Variants in GYS2 observed in about 807,000 individuals in gnomAD.
The protein encoded by GYS2 is glycogen synthase 2.
Under a neutral mutation model 85.6 loss-of-function variants are expected in GYS2, and 80 were observed. That is an observed-to-expected ratio of 0.93 (90% CI 0.78 to 1.13). GYS2 has a LOEUF of 1.13. Among genes scored for constraint, GYS2 ranks in the 50% most tolerant of loss-of-function variants. The pLI, the probability that GYS2 is intolerant of heterozygous loss-of-function variation, is 0.00. For synonymous variants in GYS2, 328 were observed against 300.7 expected (o/e 1.09, Z -0.94); for missense variants, 881 against 854.9 (o/e 1.03, Z -0.38).
rs964004135 is a variant in GYS2 at position 21,568,769 on chromosome 12, T to C, written c.823+96A>G. ...GAGCTGCGTGGTAACTGAATGCAAT[T>C]TTTCCTCAAACTACTACTTCACGAT... On this transcript the variant is annotated intron_variant, in intron 5 of 15. Coordinates refer to ENST00000261195, the MANE Select transcript of GYS2 (RefSeq NM_021957.4). 3 of 1,078,592 alleles carry C rather than the reference T, an allele frequency of 2.8e-6. No homozygotes were observed. In the Middle Eastern group the frequency reaches 6.0e-4, roughly 216 times the overall value. The allele number at this position is 1,078,592 out of a possible 1,614,324, so 66.8% of individuals were successfully genotyped here.
At chr12:21,565,183 G>T (rs906862448) in intron 5 of GYS2, among the ~76,000 whole-genome samples, 5 of 151,626 alleles carry the variant, frequency 3.3e-5, no homozygotes, top group Admixed American at 2.6e-4. Flanking sequence ...CACATGCACA[G>T]GCCTATGTGC....
intron 1 of GYS2, among the ~76,000 whole-genome samples, chr12:21,595,111 C>T (rs2136931652): frequency 6.6e-6 from 1 of 152,298 alleles, no homozygotes; most frequent in East Asian, 1.9e-4. Context: ...CCCTCCAAAT[C>T]TCATGTTGAA....
At chr12:21,539,486 G>A (rs1943947956) in intron 14 of GYS2, 148 bp from the exon 15 acceptor site, 1 of 675,964 alleles carries the variant, frequency 1.5e-6, no homozygotes, top group Admixed American at 2.4e-5. Context: ...TTGAGACTCA[G>A]GAAAGAAATT....
intron 1 of GYS2, among the ~76,000 whole-genome samples, chr12:21,587,171 A>C (rs576268180): frequency 7.9e-5 from 12 of 152,336 alleles, no homozygotes; most frequent in African/African-American, 2.9e-4. Context: ...AATAATAGAC[A>C]CTTGAGACTA....
chr12:21,601,913 G>T (rs966796108), intron 1 of GYS2, among the ~76,000 whole-genome samples: 3 of 152,050 alleles, frequency 2.0e-5, no homozygotes, highest in Non-Finnish European at 4.4e-5. Flanking sequence ...AATTAAAAAG[G>T]TTATTTTGAA....
chr12:21,560,209 G>A (rs111241836), intron 8 of GYS2, among the ~76,000 whole-genome samples, 177 bp downstream of exon 8: 6 of 152,098 alleles, frequency 3.9e-5, no homozygotes, highest in Non-Finnish European at 5.9e-5. Flanking sequence ...CACCTATAAT[G>A]TTATAACCAT....
At position 21,538,075 on chromosome 12, in the gene GYS2, G is replaced by A. The variant is rs78124822; in HGVS notation, c.1891-900C>T. 7.1e-3 allele frequency among the ~76,000 whole-genome samples: 1,073 copies of A among 152,192 alleles called. 16 individuals are homozygous for A. Among genetic ancestry groups the A allele is most frequent in the African/African-American group, 0.023 (967 of 41,492 alleles). ...AGTAGGTGCTCAATGCTTATTAGAC[G>A]TAATAACTGGATAAATAAGTAGATA... On this transcript the variant is annotated intron_variant, in intron 15 of 15. Transcript: ENST00000261195.
intron 11 of GYS2, among the ~76,000 whole-genome samples, chr12:21,553,458 T>G (rs1169434233): frequency 6.6e-6 from 1 of 152,214 alleles, no homozygotes; most frequent in Non-Finnish European, 1.5e-5. Flanking sequence ...CAGCACCAAT[T>G]GCCTTCCCTC....
intron 1 of GYS2, among the ~76,000 whole-genome samples, chr12:21,596,801 A>G (rs1944701820): frequency 6.6e-6 from 1 of 152,200 alleles, no homozygotes; most frequent in Non-Finnish European, 1.5e-5. Context: ...GTAAAGAGGA[A>G]GTCAAACTGT....
intron 1 of GYS2, among the ~76,000 whole-genome samples, chr12:21,585,314 C>T (rs1321327849): frequency 6.6e-6 from 1 of 152,140 alleles, no homozygotes; most frequent in African/African-American, 2.4e-5. Context: ...ACTTTGGGCT[C>T]CTCCCACCTT....
chr12:21,536,988 C>G lies in GYS2; in HGVS notation c.2078G>C (p.Gly693Ala). ...ATATTCACCATGCAGCTTTTTCTTC[C>G]CATGAGGAACGTGGCTCAGTGAAAA... ...SPFSLSHVPH[G>A]KKKLHGEYKN is the part of the protein sequence containing the mutation. The change falls in exon 16 of 16, where the codon GGG becomes GCG. Residue 693 changes from glycine (G) to alanine (A), a missense_variant. Physicochemically the swap from Gly to Ala is moderately conservative, Grantham distance 60 (BLOSUM62 0). Transcript: ENST00000261195. 1 of 1,613,784 alleles carries G rather than the reference C, an allele frequency of 6.2e-7. No individual in the cohort carries two copies. The highest frequency in any genetic ancestry group is 8.5e-7 in the Non-Finnish European group (1 of 1,179,800).
At chr12:21,596,979 A>C (rs1418527521) in intron 1 of GYS2, among the ~76,000 whole-genome samples, 2 of 152,164 alleles carry the variant, frequency 1.3e-5, no homozygotes, top group African/African-American at 4.8e-5. Context: ...GAATCAAATC[A>C]AGAACTCAAC....
rs1372977746 is a variant in GYS2 at position 21,566,473 on chromosome 12, A to G, written c.823+2392T>C. 2.6e-5 allele frequency among the ~76,000 whole-genome samples: 4 copies of G among 152,192 alleles called. No individual in the cohort carries two copies. The East Asian group carries it at 7.7e-4, about 29-fold the overall frequency. The stretch of plus-strand genomic sequence containing the variant: ...TCACAATTTCCATCAGAGCCACCAC[A>G]TGATTCTACTGCAAGTCTGAAGAAG... On this transcript the variant is annotated intron_variant, in intron 5 of 15. Coordinates refer to ENST00000261195, the MANE Select transcript of GYS2 (RefSeq NM_021957.4).
intron 4 of GYS2, among the ~76,000 whole-genome samples, chr12:21,570,651 T>C (rs1413862603): frequency 2.0e-5 from 3 of 152,230 alleles, no homozygotes; most frequent in Non-Finnish European, 4.4e-5. Flanking sequence ...GTATAGAAAA[T>C]GCTATGGCAT....
intron 1 of GYS2, among the ~76,000 whole-genome samples, chr12:21,603,613 A>G (rs1267494701): frequency 6.6e-6 from 1 of 152,136 alleles, no homozygotes; most frequent in East Asian, 1.9e-4. Flanking sequence ...CGTTTAAATC[A>G]CACAAGTCAT....
rs1943991712 is a variant in GYS2, at chr12:21,542,583, T to C, written c.1558A>G (p.Thr520Ala). The change falls in exon 13 of 16, where the codon ACT (threonine) becomes GCT (alanine). Residue 520 changes from threonine to alanine, a missense_variant. Thr to Ala is a moderately conservative substitution (Grantham distance 58). Transcript: ENST00000261195. Reference sequence around the variant, plus strand: ...GTCACACTGGGGATACCCATCACAGTGCATTCAGCTGCCAGGGGAAATAGA... The same window carrying C: ...GTCACACTGGGGATACCCATCACAGCGCATTCAGCTGCCAGGGGAAATAGA... The part of the protein sequence containing the change: ...EPWGYTPAEC[T>A]VMGIPSVTTN... 1 of 1,610,734 alleles carries C rather than the reference T, an allele frequency of 6.2e-7. No individual in the cohort carries two copies. Among genetic ancestry groups the C allele is most frequent in the African/African-American group, 1.3e-5 (1 of 74,766 alleles).
At position 21,546,396 on chromosome 12, in the gene GYS2, A is replaced by G. The variant is rs1382619790; in HGVS notation, c.1497T>C (p.Gly499=). The G allele has an allele frequency of 6.3e-7, 1 of 1,599,730 alleles. No individual in the cohort carries two copies. The highest frequency in any genetic ancestry group is 8.6e-7 in the Non-Finnish European group (1 of 1,167,558). ...ATGATGGAAATACTCCAAGATGACA[A>G]CCTCTAACAAACTCTTCATAGTCCA... The part of the protein sequence containing the change: ...LPMDYEEFVR[G]CHLGVFPSYY... Residue 499 remains glycine, a synonymous_variant, in exon 12 of 16, where the codon GGT becomes GGC. Coordinates refer to ENST00000261195, the MANE Select transcript of GYS2 (RefSeq NM_021957.4).
At chr12:21,563,144 TTTA>T in intron 6 of GYS2, 81 bp downstream of exon 6, 4 of 1,176,590 alleles carry the variant, frequency 3.4e-6, no homozygotes, top group Non-Finnish European at 5.1e-6. Context: ...AAGATAAACA[TTTA>T]TTATTACAAT....
intron 1 of GYS2, among the ~76,000 whole-genome samples, chr12:21,597,236 A>C (rs1174758699): frequency 6.6e-6 from 1 of 152,172 alleles, no homozygotes; most frequent in Non-Finnish European, 1.5e-5. Context: ...ATACATCTGC[A>C]CAGTAAAGGA....
Sources: gnomAD v4.1 joint callset for allele counts (sites outside exome capture counted in the v4.1 genomes callset) on GRCh38, gnomAD v4.1.1 for gene constraint, MANE v1.5 for transcripts, NCBI Gene and HGNC (gene_info 2026-07-23, HGNC 2026-07-21) for gene names.